DOCK8: variants seen among roughly 807,000 people sequenced by gnomAD.
DOCK8 encodes the protein dedicator of cytokinesis 8, also known as dedicator of cytokinesis protein 8.
DOCK8 carries 141 observed loss-of-function variants against 245.6 expected under a neutral mutation model. The observed-to-expected ratio is 0.57, with a 90% confidence interval of 0.50 to 0.66. The LOEUF (loss-of-function observed/expected upper bound fraction) is 0.66. Among genes scored for constraint, DOCK8 ranks in the 30% least tolerant of loss-of-function variants. DOCK8 has a pLI of 0.00. For synonymous variants in DOCK8, 1,168 were observed against 970.2 expected, an observed-to-expected ratio of 1.20 and a Z score of -3.79; for missense variants, 2,965 against 2,603.4, an observed-to-expected ratio of 1.14 and a Z score of -3.02.
chr9:387,445 A>G (rs76894920), intron 23 of DOCK8, among the ~76,000 whole-genome samples: 34 of 151,024 alleles, frequency 2.3e-4, no homozygotes, highest in African/African-American at 8.0e-4. Flanking sequence ...TCCATTTCAA[A>G]AAAAAAAAAA....
chr9:399,273 C>G lies in DOCK8; in HGVS notation c.3234+14C>G. 1 of 1,470,700 alleles carries G rather than the reference C, an allele frequency of 6.8e-7. No homozygotes were observed. Among genetic ancestry groups the G allele is most frequent in the Non-Finnish European group, 9.2e-7 (1 of 1,087,092 alleles). The allele number at this position is 1,470,700 out of a possible 1,614,324, so 91.1% of individuals were successfully genotyped here. On this transcript the variant is annotated intron_variant, in intron 26 of 47. Coordinates refer to ENST00000432829, the MANE Select transcript of DOCK8 (RefSeq NM_203447.4). ...TATTGCAGCCAGGTGAGTGTCCCCC[C>G]CACCCCCACCCCCGAGCGAGCCACT... is the stretch of plus-strand genomic sequence containing the variant.
intron 26 of DOCK8, among the ~76,000 whole-genome samples, chr9:400,044 C>CTTCTCCACCACCACCACCACCAGCACT (rs2054713730): frequency 4.3e-5 from 4 of 92,746 alleles, no homozygotes; most frequent in Non-Finnish European, 8.8e-5. Context: ...CCACCACCAC[C>CTTCTCCACCACCACCACCACCAGCACT]TCCACCATCA....
chr9:418,271 T>C, intron 30 of DOCK8, 64 bp downstream of exon 30: 1 of 1,578,360 alleles, frequency 6.3e-7, no homozygotes, highest in African/African-American at 1.3e-5. Context: ...CTGTTTTGTT[T>C]TGTTTGTTTG....
intron 4 of DOCK8, among the ~76,000 whole-genome samples, chr9:295,796 G>T (rs2049237626): frequency 1.3e-5 from 2 of 152,184 alleles, no homozygotes; most frequent in African/African-American, 4.8e-5. Flanking sequence ...TTAGGGGGCA[G>T]AGGAGTAGAG....
rs544737322 is a variant in DOCK8, at chr9:465,246, G to A, written c.*1027G>A. On this transcript the variant is annotated 3_prime_UTR_variant, in exon 48 of 48. Coordinates refer to ENST00000432829, the MANE Select transcript of DOCK8 (RefSeq NM_203447.4). ...TGATAATAAAGATGTAATAAGAATT[G>A]CAAGCTAAATGTTTCCCTTTGCAAC... is the stretch of plus-strand genomic sequence containing the variant. The A allele has an allele frequency of 4.6e-5, 7 of 152,588 alleles. No individual in the cohort carries two copies. The highest frequency in any genetic ancestry group is 4.6e-4 in the Admixed American group (7 of 15,276). The allele number at this position is 152,588 out of a possible 1,614,324, so 9.5% of individuals were successfully genotyped here.
At chr9:456,813 T>C (rs550882799) in intron 46 of DOCK8, 1 of 152,204 alleles carries the variant, frequency 6.6e-6, no homozygotes, top group East Asian at 1.9e-4. Flanking sequence ...CATTTAGATT[T>C]TTAAATTTTC....
chr9:362,707 C>A (rs1211057834), intron 14 of DOCK8, among the ~76,000 whole-genome samples: 2 of 152,216 alleles, frequency 1.3e-5, no homozygotes, highest in African/African-American at 4.8e-5. Flanking sequence ...TGCTATAACT[C>A]CTTGCTCCTT....
At chr9:422,336 C>G (rs548064927) in intron 33 of DOCK8, among the ~76,000 whole-genome samples, 10 of 152,248 alleles carry the variant, frequency 6.6e-5, no homozygotes, top group African/African-American at 2.4e-4. Context: ...AAAAATTTGT[C>G]ACATTGATAA....
intron 4 of DOCK8, among the ~76,000 whole-genome samples, chr9:291,322 C>T (rs192140912): frequency 2.6e-5 from 4 of 152,178 alleles, no homozygotes; most frequent in South Asian, 2.1e-4. Context: ...TTGGAATACT[C>T]GTTGAAATTT....
At chr9:361,651 G>A (rs987842672) in intron 14 of DOCK8, among the ~76,000 whole-genome samples, 2 of 152,072 alleles carry the variant, frequency 1.3e-5, no homozygotes, top group African/African-American at 4.8e-5. Context: ...AATTACAGGT[G>A]CTACTAAGAT....
Position 410,964 on chromosome 9 carries a change from T to C in DOCK8, c.3531-3818T>C, listed in dbSNP as rs138363209. ...CGATGAACAATTGAAAGCCATCAAA[T>C]TGATAACCTAGATTAAATGGATAAA... On this transcript the variant is annotated intron_variant, in intron 28 of 47. Transcript: ENST00000432829. 1.2e-3 allele frequency among the ~76,000 whole-genome samples: 176 copies of C among 152,320 alleles called. 1 individual carries two copies. The highest frequency in any genetic ancestry group is 3.8e-3 in the African/African-American group (159 of 41,564).
chr9:402,463 G>T (rs146483402), intron 26 of DOCK8, among the ~76,000 whole-genome samples: 3 of 152,314 alleles, frequency 2.0e-5, no homozygotes, highest in Non-Finnish European at 4.4e-5. Context: ...TCTGTGGTCT[G>T]TGTCTGCCAG....
Position 420,586 on chromosome 9 carries a change from A to T in DOCK8, c.4023+3A>T. 6.2e-7 allele frequency: 1 copy of T among 1,614,144 alleles called. No homozygotes were observed. Among genetic ancestry groups the T allele is most frequent in the Admixed American group, 1.7e-5 (1 of 60,032 alleles). Reference sequence around the variant, plus strand: ...GTGTGTTATGTTTTGAGTATAAGGTAAGTCTGGAGTGGCACAACTTTATAC... The same window carrying T: ...GTGTGTTATGTTTTGAGTATAAGGTTAGTCTGGAGTGGCACAACTTTATAC... On this transcript the variant is annotated splice_donor_region_variant and intron_variant, in intron 31 of 47. Coordinates refer to ENST00000432829, the MANE Select transcript of DOCK8 (RefSeq NM_203447.4).
intron 1 of DOCK8, 142 bp downstream of exon 1, chr9:215,171 C>T (rs1316972088): frequency 4.7e-6 from 7 of 1,504,082 alleles, no homozygotes; most frequent in African/African-American, 1.4e-5. Context: ...GCGCCCGGTT[C>T]CCGAGGCTGC....
At chr9:295,710 A>T (rs1490776332) in intron 4 of DOCK8, among the ~76,000 whole-genome samples, 1 of 152,168 alleles carries the variant, frequency 6.6e-6, no homozygotes, top group African/African-American at 2.4e-5. Flanking sequence ...TCTCCTGCTG[A>T]TATTACATTT....
chr9:325,589 A>G (rs934087889), intron 7 of DOCK8, 82 bp from the exon 8 acceptor site: 21 of 1,130,574 alleles, frequency 1.9e-5, no homozygotes, highest in Middle Eastern at 1.9e-4. Context: ...ATTTTTAACC[A>G]GTTTATCTAT....
chr9:376,854 C>T (rs1390822388), intron 19 of DOCK8, 123 bp from the exon 20 acceptor site: 4 of 873,896 alleles, frequency 4.6e-6, no homozygotes, highest in Non-Finnish European at 7.4e-6. Flanking sequence ...TGTCTTAGAC[C>T]TTCTGGTCTG....
chr9:282,410 TTTG>T (rs2048626769), intron 2 of DOCK8, among the ~76,000 whole-genome samples: 1 of 139,630 alleles, frequency 7.2e-6, no homozygotes, highest in African/African-American at 2.8e-5. Context: ...TTTGTTTCGT[TTTG>T]TTTTTTTTTT....
chr9:259,772 A>G (rs10118198), intron 1 of DOCK8, among the ~76,000 whole-genome samples: 13,484 of 152,324 alleles, frequency 0.089, 647 homozygotes, highest in South Asian at 0.12. Flanking sequence ...GCATTTGGCA[A>G]AATTTCATTC....
Sources: gnomAD v4.1 joint callset for allele counts (sites outside exome capture counted in the v4.1 genomes callset) on GRCh38, gnomAD v4.1.1 for gene constraint, MANE v1.5 for transcripts, NCBI Gene and HGNC (gene_info 2026-07-23, HGNC 2026-07-21) for gene names.